Variants in NXN observed in about 807,000 individuals in gnomAD.
NXN encodes the protein nucleoredoxin.
In NXN, 16 loss-of-function variants were observed where a neutral mutation model predicts 48.6. The ratio of observed to expected loss-of-function variants is 0.33; its 90% confidence interval spans 0.22 to 0.50. The LOEUF is 0.50. Ranked by LOEUF, NXN falls within the 20% of genes least tolerant of loss-of-function variation. The pLI, the probability that NXN is intolerant of heterozygous loss-of-function variation, is 0.98. For synonymous variants in NXN, 281 were observed against 269.6 expected (o/e 1.04, Z -0.41); for missense variants, 492 against 605.5 (o/e 0.81, Z 1.97).
intron 1 of NXN, among the ~76,000 whole-genome samples, chr17:833,838 C>T (rs1338012378): frequency 6.6e-6 from 1 of 152,064 alleles, no homozygotes; most frequent in African/African-American, 2.4e-5. Context: ...CCAATGTAGT[C>T]AGGATCTGCC....
intron 1 of NXN, among the ~76,000 whole-genome samples, chr17:848,608 T>C (rs2067890855): frequency 1.3e-5 from 2 of 152,250 alleles, no homozygotes; most frequent in South Asian, 2.1e-4. Flanking sequence ...GAAAGCCATT[T>C]TTACAATGCA....
Position 841,436 on chromosome 17 carries a change from G to C in NXN, c.361-15358C>G, listed in dbSNP as rs144385695. Among the ~76,000 whole-genome samples the C allele has an allele frequency of 1.1e-3, 71 of 64,462 alleles. 3 individuals carry two copies. The highest frequency in any genetic ancestry group is 1.7e-3 in the Non-Finnish European group (42 of 24,972). The allele number at this position is 64,462 out of a possible 152,430, so 42.3% of individuals were successfully genotyped here. On this transcript the variant is annotated intron_variant, in intron 1 of 7. Coordinates refer to ENST00000336868, the MANE Select transcript of NXN (RefSeq NM_022463.5). ...TGACCACGGCGCATCTCACACGGGC[G>C]AGCAGGTCCCCCTGACCACGGCGCA...
intron 4 of NXN, among the ~76,000 whole-genome samples, chr17:819,949 T>C (rs1912731154): frequency 6.6e-6 from 1 of 152,154 alleles, no homozygotes; most frequent in East Asian, 1.9e-4. Context: ...AAACCAACCA[T>C]ATACCTATGA....
intron 1 of NXN, among the ~76,000 whole-genome samples, chr17:936,790 G>A (rs577720437): frequency 6.7e-6 from 1 of 150,362 alleles, no homozygotes; most frequent in Non-Finnish European, 1.5e-5. Flanking sequence ...AGGTATTACA[G>A]TTAAGTCACA....
chr17:939,872 G>T (rs148990066), intron 1 of NXN, among the ~76,000 whole-genome samples: 1 of 152,166 alleles, frequency 6.6e-6, no homozygotes. Context: ...TAATTTGCAG[G>T]CATGAGCAAC....
chr17:967,737 C>T (rs569342402), intron 1 of NXN, among the ~76,000 whole-genome samples: 12 of 152,154 alleles, frequency 7.9e-5, no homozygotes, highest in East Asian at 5.8e-4. Flanking sequence ...TTTGGGAGGC[C>T]GAGGCAGGTG....
intron 1 of NXN, among the ~76,000 whole-genome samples, chr17:969,298 G>A (rs1009326344): frequency 3.3e-5 from 5 of 152,088 alleles, no homozygotes; most frequent in African/African-American, 1.2e-4. Context: ...AGAAATTCCA[G>A]AACTGGCCCC....
intron 1 of NXN, among the ~76,000 whole-genome samples, chr17:877,466 G>A (rs1442272407): frequency 1.3e-5 from 2 of 152,194 alleles, no homozygotes; most frequent in African/African-American, 4.8e-5. Flanking sequence ...TTTTCAAACA[G>A]CTGCATTTAC....
At chr17:829,759 A>G (rs896979198) in intron 1 of NXN, among the ~76,000 whole-genome samples, 4 of 152,026 alleles carry the variant, frequency 2.6e-5, no homozygotes, top group African/African-American at 9.7e-5. Context: ...GCTGAGAATG[A>G]TGTCTTCCAG....
chr17:867,918 T>G (rs1451041754), intron 1 of NXN, among the ~76,000 whole-genome samples: 1 of 150,908 alleles, frequency 6.6e-6, no homozygotes, highest in Non-Finnish European at 1.5e-5. Flanking sequence ...AAGTCTTAAA[T>G]GTACCTTGCA....
chr17:924,695 C>T (rs1014413143), intron 1 of NXN, among the ~76,000 whole-genome samples: 2 of 147,292 alleles, frequency 1.4e-5, no homozygotes, highest in African/African-American at 5.0e-5. Context: ...AACTGAAATT[C>T]CGTCCTCAGT....
At chr17:864,105 C>G in intron 1 of NXN, 1 of 1,417,326 alleles carries the variant, frequency 7.1e-7, no homozygotes. Flanking sequence ...GGTGAAGGGG[C>G]ACGTTTACCG....
chr17:936,576 C>T (rs2068910148), intron 1 of NXN, among the ~76,000 whole-genome samples: 2 of 151,198 alleles, frequency 1.3e-5, no homozygotes, highest in South Asian at 4.2e-4. Flanking sequence ...GGAGGAAGGG[C>T]AGGAGAGAAG....
chr17:817,827 A>T (rs1241701538), intron 5 of NXN, among the ~76,000 whole-genome samples: 2 of 152,206 alleles, frequency 1.3e-5, no homozygotes, highest in Non-Finnish European at 1.5e-5. Flanking sequence ...AGCATCTGCC[A>T]CTAATGATAC....
chr17:801,114 G>T lies in NXN; in HGVS notation c.1143C>A (p.Ser381=). ...CAGGCAGGTTGGTGTAATCTCGCAG[G>T]GAGTCAGTCATGTCATCCTGAAGCC... is the stretch of plus-strand genomic sequence containing the variant. ...FVAGEDDMTD[S]LRDYTNLPEA... Residue 381 remains serine, a synonymous_variant, in exon 8 of 8, where the codon TCC becomes TCA. Coordinates refer to ENST00000336868, the MANE Select transcript of NXN (RefSeq NM_022463.5). The T allele has an allele frequency of 6.5e-7, 1 of 1,548,072 alleles. No homozygotes were observed. The highest frequency in any genetic ancestry group is 2.0e-5 in the Admixed American group (1 of 49,432).
At chr17:969,889 G>C (rs986615392) in intron 1 of NXN, among the ~76,000 whole-genome samples, 15 of 152,254 alleles carry the variant, frequency 9.9e-5, no homozygotes, top group African/African-American at 3.1e-4. Flanking sequence ...GTGACTGTTC[G>C]ACAACGATAT....
intron 1 of NXN, chr17:909,507 T>C (rs1273410442): frequency 3.3e-5 from 5 of 151,072 alleles, no homozygotes; most frequent in Admixed American, 2.7e-4. Flanking sequence ...CTTCTGCTGA[T>C]AAACTTGTGT....
At chr17:979,173 G>T in intron 1 of NXN, 146 bp downstream of exon 1, 1 of 250,832 alleles carries the variant, frequency 4.0e-6, no homozygotes, top group Non-Finnish European at 7.2e-6. Context: ...GTCGGGGGGC[G>T]GGGGACTGGG....
chr17:879,661 AG>A (rs1477411120), intron 1 of NXN, among the ~76,000 whole-genome samples: 3 of 152,146 alleles, frequency 2.0e-5, no homozygotes, highest in Non-Finnish European at 4.4e-5. Flanking sequence ...TTGACTGAGA[AG>A]CAGGAGGCGT....
Sources: gnomAD v4.1 joint callset for allele counts (sites outside exome capture counted in the v4.1 genomes callset) on GRCh38, gnomAD v4.1.1 for gene constraint, MANE v1.5 for transcripts, NCBI Gene and HGNC (gene_info 2026-07-23, HGNC 2026-07-21) for gene names.